The following KCNH1 variants were observed in gnomAD, a reference collection of about 807,000 sequenced individuals.
The protein encoded by KCNH1 is potassium voltage-gated channel subfamily H member 1, also known as voltage-gated delayed rectifier potassium channel KCNH1.
Under a neutral mutation model 69.2 loss-of-function variants are expected in KCNH1, and 27 were observed. That is an observed-to-expected ratio of 0.39 (90% CI 0.29 to 0.54). The LOEUF (loss-of-function observed/expected upper bound fraction) is 0.54, where lower values mean the gene tolerates loss of function less well. Ranked by LOEUF, KCNH1 falls within the 20% of genes least tolerant of loss-of-function variation. KCNH1 has a pLI of 0.68. For missense variants in KCNH1, 798 were observed against 1,261.6 expected (o/e 0.63, Z 5.57); for synonymous variants, 456 against 487.7 (o/e 0.93, Z 0.86).
At chr1:211,016,482 T>C (rs1048470391) in intron 6 of KCNH1, among the ~76,000 whole-genome samples, 1 of 152,176 alleles carries the variant, frequency 6.6e-6, no homozygotes, top group African/African-American at 2.4e-5. Context: ...TCACTTTCCA[T>C]ATGTGTTTAA....
chr1:211,106,726 C>T (rs1193564601), intron 2 of KCNH1, among the ~76,000 whole-genome samples: 2 of 150,684 alleles, frequency 1.3e-5, no homozygotes, highest in African/African-American at 4.8e-5. Context: ...ACCCAGGAGA[C>T]AGAGGCTGCA....
At chr1:211,050,451 T>G (rs1007062281) in intron 5 of KCNH1, among the ~76,000 whole-genome samples, 2 of 152,044 alleles carry the variant, frequency 1.3e-5, no homozygotes, top group Non-Finnish European at 2.9e-5. Context: ...TTTTCCATGA[T>G]GCACTTGTTC....
At chr1:211,065,795 C>T (rs1690518998) in intron 5 of KCNH1, among the ~76,000 whole-genome samples, 1 of 152,072 alleles carries the variant, frequency 6.6e-6, no homozygotes, top group Non-Finnish European at 1.5e-5. Flanking sequence ...TACAGTGGCT[C>T]ACACCTGTAT....
chr1:210,766,623 A>G lies in KCNH1; in HGVS notation c.2112+8725T>C, dbSNP rs1272275491. Reference sequence around the variant, plus strand: ...CATCTAGACTAGAGAAATTAAAGAGAAGATATATGGAGTCAGGGTCCCATT... The same window carrying G: ...CATCTAGACTAGAGAAATTAAAGAGGAGATATATGGAGTCAGGGTCCCATT... On this transcript the variant is annotated intron_variant, in intron 10 of 10. Coordinates refer to ENST00000271751, the MANE Select transcript of KCNH1 (RefSeq NM_172362.3). 2.6e-5 allele frequency among the ~76,000 whole-genome samples: 4 copies of G among 152,214 alleles called. No homozygotes were observed. In the South Asian group the frequency reaches 8.3e-4, roughly 31 times the overall value.
At chr1:211,086,784 AG>A (rs908661433) in intron 4 of KCNH1, among the ~76,000 whole-genome samples, 1 of 152,168 alleles carries the variant, frequency 6.6e-6, no homozygotes, top group Non-Finnish European at 1.5e-5. Flanking sequence ...GAATAAGTCC[AG>A]GGGTACCAAA....
intron 7 of KCNH1, among the ~76,000 whole-genome samples, chr1:210,908,084 G>C (rs143353060): frequency 1.3e-5 from 2 of 152,280 alleles, no homozygotes; most frequent in East Asian, 3.9e-4. Flanking sequence ...GTAGAGACAT[G>C]GTTCTTAGCA....
chr1:210,718,042 G>A (rs1006377755), intron 10 of KCNH1, among the ~76,000 whole-genome samples: 9 of 151,888 alleles, frequency 5.9e-5, no homozygotes, highest in Admixed American at 3.3e-4. Flanking sequence ...AGGAGGTGGC[G>A]GTTGCAGTGA....
intron 6 of KCNH1, among the ~76,000 whole-genome samples, chr1:210,965,583 T>C (rs1688383470): frequency 6.6e-6 from 1 of 150,638 alleles, no homozygotes; most frequent in Non-Finnish European, 1.5e-5. Flanking sequence ...CTACCAACTA[T>C]ACACCAATAA....
At chr1:210,927,727 G>A (rs1010989377) in intron 6 of KCNH1, among the ~76,000 whole-genome samples, 1 of 152,188 alleles carries the variant, frequency 6.6e-6, no homozygotes, top group South Asian at 2.1e-4. Context: ...AACATTGAAT[G>A]TAAATGGCCT....
intron 10 of KCNH1, among the ~76,000 whole-genome samples, chr1:210,740,563 T>G (rs1169010718): frequency 1.3e-5 from 2 of 152,098 alleles, no homozygotes; most frequent in Admixed American, 6.5e-5. Context: ...TTTTAGAATT[T>G]TACTTACAGG....
chr1:210,992,236 A>G (rs1053647895), intron 6 of KCNH1, among the ~76,000 whole-genome samples: 25 of 152,246 alleles, frequency 1.6e-4, no homozygotes, highest in Non-Finnish European at 2.9e-4. Context: ...TATAAGTACA[A>G]GCACGTATCT....
In KCNH1 at chr1:210,718,563, A is replaced by G. The variant is rs545336933; in HGVS notation, c.2113-34425T>C. On this transcript the variant is annotated intron_variant, in intron 10 of 10. Transcript: ENST00000271751. ...ACATATATGTATATATATAAAATATATACATATATTTATATATATAAAATA... is the reference window on the plus strand; with the variant it reads ...ACATATATGTATATATATAAAATATGTACATATATTTATATATATAAAATA... 7.5e-5 allele frequency among the ~76,000 whole-genome samples: 9 copies of G among 119,620 alleles called. 2 individuals carry two copies. The highest frequency in any genetic ancestry group is 2.8e-4 in the African/African-American group (9 of 32,178). 78.5% of individuals were successfully genotyped at this position (119,620 alleles called of 152,430 possible). A position where few individuals can be genotyped will look rare whatever the true frequency, so the allele number is the denominator to read the frequency against.
intron 10 of KCNH1, among the ~76,000 whole-genome samples, chr1:210,735,798 GACACACAC>G (rs34116468): frequency 1.4e-5 from 2 of 147,332 alleles, no homozygotes; most frequent in African/African-American, 5.0e-5. Context: ...TGCATACACA[GACACACAC>G]ACACACACAC....
intron 10 of KCNH1, among the ~76,000 whole-genome samples, chr1:210,704,997 TA>T (rs1681872944): frequency 6.6e-6 from 1 of 151,978 alleles, no homozygotes; most frequent in Admixed American, 6.6e-5. Flanking sequence ...TGGGTGGAGG[TA>T]GGGGGTCCTT....
At chr1:211,125,833 T>C (rs1255437245) in intron 1 of KCNH1, among the ~76,000 whole-genome samples, 1 of 152,234 alleles carries the variant, frequency 6.6e-6, no homozygotes, top group Non-Finnish European at 1.5e-5. Flanking sequence ...ATTGACTCAG[T>C]TAATTTCAGA....
At chr1:210,686,721 C>G (rs971930511) in intron 10 of KCNH1, among the ~76,000 whole-genome samples, 48 of 152,146 alleles carry the variant, frequency 3.2e-4, no homozygotes, top group African/African-American at 1.0e-3. Context: ...CCCTTTTTCA[C>G]TTGAGCAAGT....
intron 10 of KCNH1, among the ~76,000 whole-genome samples, chr1:210,749,717 G>A (rs556829828): frequency 1.1e-4 from 16 of 150,806 alleles, no homozygotes; most frequent in African/African-American, 3.9e-4. Context: ...GAGGACCCCT[G>A]CATGACAGGA....
At chr1:211,022,050 G>A (rs1689594819) in intron 5 of KCNH1, among the ~76,000 whole-genome samples, 1 of 151,998 alleles carries the variant, frequency 6.6e-6, no homozygotes, top group African/African-American at 2.4e-5. Context: ...AAAACTAGAG[G>A]AATCACATTA....
intron 5 of KCNH1, among the ~76,000 whole-genome samples, chr1:211,032,135 A>G (rs575221474): frequency 2.2e-4 from 34 of 152,230 alleles, no homozygotes; most frequent in Non-Finnish European, 4.3e-4. Flanking sequence ...ACAGAGAGCC[A>G]AATCATGAGT....
Sources: gnomAD v4.1 joint callset for allele counts (sites outside exome capture counted in the v4.1 genomes callset) on GRCh38, gnomAD v4.1.1 for gene constraint, MANE v1.5 for transcripts, NCBI Gene and HGNC (gene_info 2026-07-23, HGNC 2026-07-21) for gene names.